Variants in UBL3 observed in about 807,000 individuals in gnomAD.
The protein encoded by UBL3 is ubiquitin-like protein 3.
Under a neutral mutation model 18.4 loss-of-function variants are expected in UBL3, and 6 were observed. That is an observed-to-expected ratio of 0.33 (90% CI 0.18 to 0.64). The LOEUF (loss-of-function observed/expected upper bound fraction) is 0.64, where lower values mean the gene tolerates loss of function less well. Ranked by LOEUF, UBL3 falls within the 30% of genes least tolerant of loss-of-function variation. The probability of loss-of-function intolerance (pLI) is 0.76; values close to 1 mark genes in which losing one functional copy is unlikely to be tolerated. For missense variants in UBL3, 109 were observed against 142.9 expected (o/e 0.76, Z 1.21); for synonymous variants, 49 against 46.6 (o/e 1.05, Z -0.21).
chr13:29,766,186 A>G lies in UBL3; in HGVS notation c.*1069T>C, dbSNP rs1466220232. On this transcript the variant is annotated 3_prime_UTR_variant, in exon 5 of 5. Transcript: ENST00000380680. ...ATCTTTAAATTATTGGTATGAAATA[A>G]AAGAAAAAGTGGCATTCTTGTGTAT... is the stretch of plus-strand genomic sequence containing the variant. 1.3e-5 allele frequency: 2 copies of G among 152,602 alleles called. No individual in the cohort carries two copies. The highest frequency in any genetic ancestry group is 2.9e-5 in the Non-Finnish European group (2 of 68,016). The allele number at this position is 152,602 out of a possible 1,614,324, so 9.5% of individuals were successfully genotyped here. A position where few individuals can be genotyped will look rare whatever the true frequency, so the allele number is the denominator to read the frequency against.
chr13:29,802,272 A>C (rs1443646162), intron 1 of UBL3, among the ~76,000 whole-genome samples: 1 of 152,246 alleles, frequency 6.6e-6, no homozygotes, highest in African/African-American at 2.4e-5. Flanking sequence ...TAAAAGGACA[A>C]GGCACAAAGC....
At chr13:29,843,533 C>T (rs1879157767) in intron 1 of UBL3, among the ~76,000 whole-genome samples, 1 of 152,154 alleles carries the variant, frequency 6.6e-6, no homozygotes, top group African/African-American at 2.4e-5. Context: ...TATAGAAGAA[C>T]ATGTCACTTA....
Position 29,765,861 on chromosome 13 carries a change from G to A in UBL3, c.*1394C>T, listed in dbSNP as rs930552098. ...CCATTTGAAACCATTTACATTTAATGTTTGTAAGGGCTGTTGACACTTAGT... is the reference window on the plus strand; with the variant it reads ...CCATTTGAAACCATTTACATTTAATATTTGTAAGGGCTGTTGACACTTAGT... On this transcript the variant is annotated 3_prime_UTR_variant, in exon 5 of 5. Transcript: ENST00000380680. 3.7e-5 allele frequency: 4 copies of A among 107,310 alleles called. No homozygotes were observed. In the South Asian group the frequency reaches 1.2e-3, roughly 32 times the overall value. 6.6% of individuals were successfully genotyped at this position (107,310 alleles called of 1,614,324 possible).
intron 1 of UBL3, among the ~76,000 whole-genome samples, chr13:29,802,817 C>T (rs1358618436): frequency 2.6e-5 from 4 of 152,128 alleles, no homozygotes; most frequent in African/African-American, 4.8e-5. Context: ...AATAAAGAGA[C>T]TAAATCTATG....
At chr13:29,790,166 A>G (rs932197157) in intron 1 of UBL3, among the ~76,000 whole-genome samples, 2 of 152,204 alleles carry the variant, frequency 1.3e-5, no homozygotes, top group African/African-American at 4.8e-5. Flanking sequence ...TTCCTCACTA[A>G]TATCTGAAAA....
chr13:29,839,548 G>A (rs894092450), intron 1 of UBL3, among the ~76,000 whole-genome samples: 1 of 152,142 alleles, frequency 6.6e-6, no homozygotes, highest in African/African-American at 2.4e-5. Context: ...CAGCTACTTG[G>A]GAGGCTAAGG....
intron 1 of UBL3, among the ~76,000 whole-genome samples, chr13:29,822,028 T>C (rs1878466948): frequency 6.6e-6 from 1 of 152,212 alleles, no homozygotes; most frequent in Non-Finnish European, 1.5e-5. Context: ...AATTCTGATA[T>C]AATTAACAAT....
At chr13:29,806,885 T>C (rs907249933) in intron 1 of UBL3, among the ~76,000 whole-genome samples, 3 of 152,282 alleles carry the variant, frequency 2.0e-5, no homozygotes, top group Non-Finnish European at 4.4e-5. Flanking sequence ...TATGGTGCAA[T>C]TTTTAAGTTT....
At chr13:29,846,593 A>G (rs1330214342) in intron 1 of UBL3, among the ~76,000 whole-genome samples, 1 of 152,188 alleles carries the variant, frequency 6.6e-6, no homozygotes, top group Non-Finnish European at 1.5e-5. Context: ...AGTCATAATC[A>G]CGGCCATAAA....
chr13:29,782,487 T>C (rs147210396), intron 1 of UBL3, among the ~76,000 whole-genome samples: 1 of 152,304 alleles, frequency 6.6e-6, no homozygotes, highest in East Asian at 1.9e-4. Flanking sequence ...CTAAATATGT[T>C]TGAACCAAAT....
At chr13:29,800,130 T>C (rs1877722039) in intron 1 of UBL3, among the ~76,000 whole-genome samples, 1 of 152,072 alleles carries the variant, frequency 6.6e-6, no homozygotes, top group Non-Finnish European at 1.5e-5. Context: ...ATATTCATGA[T>C]TATTTAAGTT....
intron 1 of UBL3, among the ~76,000 whole-genome samples, chr13:29,823,528 T>G (rs1260717718): frequency 6.6e-6 from 1 of 152,180 alleles, no homozygotes; most frequent in East Asian, 1.9e-4. Context: ...ACATAAACAC[T>G]TCTCTTTAGG....
At chr13:29,824,074 A>ATATG (rs1878552205) in intron 1 of UBL3, among the ~76,000 whole-genome samples, 1 of 152,176 alleles carries the variant, frequency 6.6e-6, no homozygotes, top group African/African-American at 2.4e-5. Context: ...TCCATGGTGT[A>ATATG]TATGTGCCAC....
intron 1 of UBL3, among the ~76,000 whole-genome samples, chr13:29,835,159 T>A (rs1046887953): frequency 1.9e-4 from 11 of 57,862 alleles, no homozygotes; most frequent in African/African-American, 7.0e-4. Context: ...TATATATATA[T>A]ATATATATAT....
intron 1 of UBL3, among the ~76,000 whole-genome samples, chr13:29,798,643 G>T (rs906065079): frequency 6.6e-6 from 1 of 152,148 alleles, no homozygotes; most frequent in Non-Finnish European, 1.5e-5. Context: ...GAATAGAGTA[G>T]TCTGAATCAA....
chr13:29,837,306 T>C (rs185059379), intron 1 of UBL3, among the ~76,000 whole-genome samples: 42 of 152,256 alleles, frequency 2.8e-4, no homozygotes, highest in African/African-American at 9.6e-4. Flanking sequence ...GTAGTTAATA[T>C]ACTCAAGAAA....
At chr13:29,826,985 T>C (rs1230935504) in intron 1 of UBL3, among the ~76,000 whole-genome samples, 1 of 152,168 alleles carries the variant, frequency 6.6e-6, no homozygotes. Context: ...TTCCATGCAG[T>C]TGTGTGGTTT....
chr13:29,838,185 G>A (rs1879008985), intron 1 of UBL3, among the ~76,000 whole-genome samples: 1 of 152,102 alleles, frequency 6.6e-6, no homozygotes, highest in Admixed American at 6.6e-5. Flanking sequence ...GTGGCAGCCA[G>A]GTGATGATAA....
intron 1 of UBL3, among the ~76,000 whole-genome samples, chr13:29,846,963 G>A (rs1168060923): frequency 6.6e-6 from 1 of 152,220 alleles, no homozygotes; most frequent in Non-Finnish European, 1.5e-5. Context: ...TGCTGTGGGA[G>A]TGGTGAGAGG....
Sources: gnomAD v4.1 joint callset for allele counts (sites outside exome capture counted in the v4.1 genomes callset) on GRCh38, gnomAD v4.1.1 for gene constraint, MANE v1.5 for transcripts, NCBI Gene and HGNC (gene_info 2026-07-23, HGNC 2026-07-21) for gene names.